LRRC7: variants seen among roughly 807,000 people sequenced by gnomAD.
LRRC7 encodes the protein leucine rich repeat containing 7, also known as leucine-rich repeat-containing protein 7.
A neutral mutation model predicts 175.7 loss-of-function variants in LRRC7; 23 were observed. The ratio of observed to expected loss-of-function variants is 0.13; its 90% CI spans 0.09 to 0.19. LRRC7 has a LOEUF of 0.19. LRRC7 is among the 10% of genes least tolerant of loss of function. LRRC7 has a pLI of 1.00. For synonymous variants in LRRC7, 685 were observed against 680.9 expected (o/e 1.01, Z -0.09); for missense variants, 1,354 against 1,904.7 (o/e 0.71, Z 5.38).
At chr1:70,053,608 G>T (rs1660908572) in intron 23 of LRRC7, among the ~76,000 whole-genome samples, 1 of 151,924 alleles carries the variant, frequency 6.6e-6, no homozygotes, top group African/African-American at 2.4e-5. Flanking sequence ...AAACAAAAAT[G>T]AAAAAGACAG....
chr1:69,635,848 T>C (rs1168130104), intron 1 of LRRC7, among the ~76,000 whole-genome samples: 3 of 152,084 alleles, frequency 2.0e-5, no homozygotes, highest in Non-Finnish European at 1.5e-5. Context: ...AAAAATAGTA[T>C]GTCAATATTA....
chr1:69,918,372 T>C (rs930392668), intron 7 of LRRC7, among the ~76,000 whole-genome samples: 1 of 152,200 alleles, frequency 6.6e-6, no homozygotes, highest in African/African-American at 2.4e-5. Flanking sequence ...CAAAGAACAA[T>C]ACTAACATAA....
intron 7 of LRRC7, among the ~76,000 whole-genome samples, chr1:69,899,965 CACAA>C (rs1197373202): frequency 1.3e-5 from 2 of 152,138 alleles, no homozygotes; most frequent in East Asian, 1.9e-4. Context: ...GTTACAGCAG[CACAA>C]ACAGACTAAA....
In LRRC7 at chr1:70,039,304, C is replaced by A; in HGVS notation, c.3480C>A (p.Ala1160=). Residue 1160 remains alanine, a synonymous_variant, in exon 21 of 27, where the codon GCC becomes GCA. Transcript: ENST00000651989. ...GAAGGGCCGACTCCCTGGTGAGCGC[C>A]ACAGAAATGGCCATGTTTAGAAGGG... ...FLRRADSLVS[A]TEMAMFRRVN... 6.2e-7 allele frequency: 1 copy of A among 1,614,026 alleles called. No individual in the cohort carries two copies.
At position 70,141,313 on chromosome 1, in the gene LRRC7, T is replaced by C. The variant is rs1435727594; in HGVS notation, c.*19426T>C. Reference sequence around the variant, plus strand: ...GAGTTAAGTCAGTAGAAAGGGAGCCTGCAAATGAGACAATAGCTTCATGCA... The same window carrying C: ...GAGTTAAGTCAGTAGAAAGGGAGCCCGCAAATGAGACAATAGCTTCATGCA... On this transcript the variant is annotated 3_prime_UTR_variant, in exon 27 of 27. Coordinates refer to ENST00000651989, the MANE Select transcript of LRRC7 (RefSeq NM_001370785.2). 1 of 152,162 alleles carries C rather than the reference T, an allele frequency of 6.6e-6. No individual in the cohort carries two copies. The highest frequency in any genetic ancestry group is 2.4e-5 in the African/African-American group (1 of 41,440). 9.4% of individuals were successfully genotyped at this position (152,162 alleles called of 1,614,324 possible).
intron 23 of LRRC7, among the ~76,000 whole-genome samples, chr1:70,065,662 G>T (rs1258783570): frequency 1.3e-5 from 2 of 151,884 alleles, no homozygotes; most frequent in African/African-American, 4.8e-5. Context: ...CAATGATGGG[G>T]ATGGAAATAT....
chr1:70,053,122 C>T lies in LRRC7; in HGVS notation c.4207C>T (p.Pro1403Ser), dbSNP rs1660871601. The T allele has an allele frequency of 6.2e-7, 1 of 1,608,722 alleles. No homozygotes were observed. The highest frequency in any genetic ancestry group is 8.5e-7 in the Non-Finnish European group (1 of 1,177,336). ...TTATCCACTTGGGAGGCGGGATGTA[C>T]CTCCGGACACCATTACTAAGAAGGT... ...NPYPLGRRDV[P>S]PDTITKKAGS... is the part of the protein sequence containing the mutation. The change falls in exon 23 of 27, where the codon CCT (proline) becomes TCT (serine). Residue 1403 changes from proline to serine, a missense_variant. Transcript: ENST00000651989.
chr1:69,829,545 A>T (rs1156267572), intron 5 of LRRC7, among the ~76,000 whole-genome samples: 1 of 151,862 alleles, frequency 6.6e-6, no homozygotes, highest in Non-Finnish European at 1.5e-5. Context: ...CTGATCTATC[A>T]AACACCATAT....
intron 26 of LRRC7, among the ~76,000 whole-genome samples, chr1:70,110,396 A>T (rs918409744): frequency 2.6e-5 from 4 of 152,154 alleles, no homozygotes; most frequent in Non-Finnish European, 5.9e-5. Context: ...ATAAAAAATA[A>T]AAATAAAGAC....
chr1:69,805,038 A>C (rs941473744), intron 4 of LRRC7, among the ~76,000 whole-genome samples: 1 of 151,774 alleles, frequency 6.6e-6, no homozygotes, highest in African/African-American at 2.4e-5. Flanking sequence ...TGCAGCAATT[A>C]AGTGATTTTT....
At chr1:69,699,611 T>C (rs1663084588) in intron 2 of LRRC7, among the ~76,000 whole-genome samples, 2 of 152,208 alleles carry the variant, frequency 1.3e-5, no homozygotes, top group African/African-American at 4.8e-5. Flanking sequence ...CTGTTTTGAA[T>C]GTCCTTGCAA....
chr1:69,846,872 AT>A (rs1682429633), intron 7 of LRRC7, among the ~76,000 whole-genome samples: 1 of 152,124 alleles, frequency 6.6e-6, no homozygotes, highest in Non-Finnish European at 1.5e-5. Context: ...TCTCATAAAA[AT>A]ATCTTTATCA....
At chr1:69,881,885 TAAA>T (rs61466996) in intron 7 of LRRC7, among the ~76,000 whole-genome samples, 3 of 120,890 alleles carry the variant, frequency 2.5e-5, no homozygotes, top group Non-Finnish European at 1.8e-5. Flanking sequence ...GTCTCCAGAT[TAAA>T]AAAAAAAAAA....
intron 1 of LRRC7, among the ~76,000 whole-genome samples, chr1:69,644,720 G>T (rs1145926): frequency 0.22 from 33,456 of 151,532 alleles, 4,169 homozygotes; most frequent in South Asian, 0.29. Context: ...TTTTGCTAAG[G>T]AATAGACACA....
chr1:69,911,213 G>A (rs929203987), intron 7 of LRRC7, among the ~76,000 whole-genome samples: 1 of 152,184 alleles, frequency 6.6e-6, no homozygotes, highest in Admixed American at 6.5e-5. Context: ...ACTGTCCTGT[G>A]CCCACTGTCT....
intron 2 of LRRC7, among the ~76,000 whole-genome samples, chr1:69,724,865 C>T (rs1269178489): frequency 6.6e-6 from 1 of 152,052 alleles, no homozygotes; most frequent in African/African-American, 2.4e-5. Context: ...TCAACTGTTA[C>T]TATAAATAAT....
rs1243184196 is a variant in LRRC7, at chr1:70,097,938, T to G, written c.4545+8119T>G. ...AATAAACATACGTGTGCATGTGTCT[T>G]TATAGCAGCATGATTTATAGTCCTT... On this transcript the variant is annotated intron_variant, in intron 25 of 26. Coordinates refer to ENST00000651989, the MANE Select transcript of LRRC7 (RefSeq NM_001370785.2). Among the ~76,000 whole-genome samples, 3 of 150,240 alleles carry G rather than the reference T, an allele frequency of 2.0e-5. No homozygotes were observed. In the East Asian group the frequency reaches 5.9e-4, roughly 29 times the overall value.
At chr1:69,635,411 T>C (rs913779796) in intron 1 of LRRC7, among the ~76,000 whole-genome samples, 7 of 152,088 alleles carry the variant, frequency 4.6e-5, no homozygotes, top group African/African-American at 1.7e-4. Flanking sequence ...ATAATTTTGG[T>C]GCATTGAATT....
chr1:69,630,159 C>T (rs994631311), intron 1 of LRRC7, among the ~76,000 whole-genome samples: 4 of 151,926 alleles, frequency 2.6e-5, no homozygotes, highest in Non-Finnish European at 5.9e-5. Context: ...TTTCTTGTTC[C>T]TTCCTTCCTC....
Sources: allele counts gnomAD v4.1 joint callset (sites outside exome capture counted in the v4.1 genomes callset), GRCh38; gene constraint gnomAD v4.1.1; transcripts MANE v1.5; gene names NCBI Gene and HGNC (gene_info 2026-07-23, HGNC 2026-07-21).